Variants in CENPT observed in about 807,000 individuals in gnomAD.
CENPT encodes the protein interphase centromere complex protein 22.
A neutral mutation model predicts 59.7 loss-of-function variants in CENPT; 42 were observed. The observed-to-expected ratio is 0.70, with a 90% CI of 0.55 to 0.91. The LOEUF (loss-of-function observed/expected upper bound fraction) is 0.91. Ranked by LOEUF, CENPT falls within the 40% of genes least tolerant of loss-of-function variation. The pLI is 0.00. For synonymous variants in CENPT, 295 were observed against 289.6 expected, an observed-to-expected ratio of 1.02 and a Z score of -0.19; for missense variants, 716 against 713.4, an observed-to-expected ratio of 1.00 and a Z score of -0.04.
rs1337430526 is a variant in CENPT at position 67,829,778 on chromosome 16, G to C, written c.1173C>G (p.Ala391=). Residue 391 remains alanine, a synonymous_variant, in exon 12 of 16, where the codon GCC becomes GCG. Coordinates refer to ENST00000562787, the MANE Select transcript of CENPT (RefSeq NM_025082.4). ...TGGGCCTCTTACCTGCCCTGCCAGA[G>C]GCATCCTCATCCCCTGAAGATGCTC... The part of the protein sequence containing the change: ...GPGASSGDED[A]SGRAASPESA... 1 of 1,613,984 alleles carries C rather than the reference G, an allele frequency of 6.2e-7. No homozygotes were observed. The highest frequency in any genetic ancestry group is 1.1e-5 in the South Asian group (1 of 91,068).
Position 67,829,999 on chromosome 16 carries a change from A to C in CENPT, c.952T>G (p.Ser318Ala). The C allele has an allele frequency of 6.2e-7, 1 of 1,614,172 alleles. No individual in the cohort carries two copies. Among genetic ancestry groups the C allele is most frequent in the Non-Finnish European group, 8.5e-7 (1 of 1,180,030 alleles). The change falls in exon 12 of 16, where the codon TCT becomes GCT. Residue 318 changes from serine (S) to alanine (A), a missense_variant. Physicochemically the swap from Ser to Ala is moderately conservative, Grantham distance 99. Coordinates refer to ENST00000562787, the MANE Select transcript of CENPT (RefSeq NM_025082.4). ...LGFLSTSSGVSGEDEVEPLHD... is the reference protein window; with the variant it reads ...LGFLSTSSGVAGEDEVEPLHD... The stretch of plus-strand genomic sequence containing the variant: ...AAGGGCTCTACTTCATCTTCTCCAG[A>C]GACACCACTGCTGGTGCTCAGGAAG...
intron 10 of CENPT, 57 bp from the exon 11 acceptor site, chr16:67,830,605 T>C: frequency 1.9e-6 from 3 of 1,580,910 alleles, no homozygotes; most frequent in Middle Eastern, 1.7e-4. Context: ...AGGGGCCAGC[T>C]GGCTCTCAGC....
intron 1 of CENPT, among the ~76,000 whole-genome samples, chr16:67,844,910 T>A (rs1250661743): frequency 1.3e-5 from 2 of 151,980 alleles, no homozygotes; most frequent in African/African-American, 4.8e-5. Context: ...TGCCTCACCC[T>A]CCTGAGTAGC....
chr16:67,830,116 G>A (rs758912675), intron 11 of CENPT, 28 bp from the exon 12 acceptor site: 71 of 1,602,688 alleles, frequency 4.4e-5, no homozygotes, highest in Admixed American at 6.8e-5. Flanking sequence ...AATACAGGCC[G>A]GAGACGCAGC....
chr16:67,830,618 A>G (rs1454552827), intron 10 of CENPT, 70 bp from the exon 11 acceptor site: 1 of 1,523,776 alleles, frequency 6.6e-7, no homozygotes, highest in African/African-American at 1.4e-5. Context: ...CTCTCAGCGT[A>G]TTCCAGGCCC....
Position 67,843,182 on chromosome 16 carries a change from G to A in CENPT, c.-492+4219C>T. 1.2e-6 allele frequency: 2 copies of A among 1,611,296 alleles called. No individual in the cohort carries two copies. Among genetic ancestry groups the A allele is most frequent in the Non-Finnish European group, 1.7e-6 (2 of 1,179,686 alleles). On this transcript the variant is annotated intron_variant, in intron 1 of 15. Transcript: ENST00000562787. The surrounding 1 kb of genome is among the most constrained non-coding windows in gnomAD (Gnocchi z 5.7). ...CGCAGCCGCTGCGGCCGCCGCGTCGGAGTTACAGGCTGCTACCGCAGGGCT... is the reference window on the plus strand; with the variant it reads ...CGCAGCCGCTGCGGCCGCCGCGTCGAAGTTACAGGCTGCTACCGCAGGGCT...
intron 4 of CENPT, among the ~76,000 whole-genome samples, chr16:67,833,421 A>G (rs2057711963): frequency 6.6e-6 from 1 of 152,122 alleles, no homozygotes; most frequent in African/African-American, 2.4e-5. Context: ...CCTATCCTCC[A>G]TCTCCAGTGG....
Position 67,842,855 on chromosome 16 carries a change from C to A in CENPT, c.-492+4546G>T. On this transcript the variant is annotated intron_variant, in intron 1 of 15. Coordinates refer to ENST00000562787, the MANE Select transcript of CENPT (RefSeq NM_025082.4). This position sits in a 1 kb window ranked among gnomAD's most constrained non-coding sequence, Gnocchi z 4.9. ...CAGACCCGCTGGGGCCGCGGCCGCCCGCCGCAGGCAGCAGCAGCAACAGCA... is the reference window on the plus strand; with the variant it reads ...CAGACCCGCTGGGGCCGCGGCCGCCAGCCGCAGGCAGCAGCAGCAACAGCA... 1.2e-6 allele frequency: 2 copies of A among 1,611,072 alleles called. No individual in the cohort carries two copies. Among genetic ancestry groups the A allele is most frequent in the Non-Finnish European group, 1.7e-6 (2 of 1,179,490 alleles).
chr16:67,838,011 G>A (rs969679020), intron 1 of CENPT, among the ~76,000 whole-genome samples: 1 of 152,186 alleles, frequency 6.6e-6, no homozygotes, highest in Non-Finnish European at 1.5e-5. Context: ...AAGATTGAAG[G>A]CAGGGAGACA....
At position 67,842,537 on chromosome 16, in the gene CENPT, G is replaced by C. The variant is rs1268940803; in HGVS notation, c.-492+4864C>G. On this transcript the variant is annotated intron_variant, in intron 1 of 15. Transcript: ENST00000562787. This position sits in a 1 kb window ranked among gnomAD's most constrained non-coding sequence, Gnocchi z 4.9. ...GCGCAGGAGGCCGGTGGGCCGGGCCGGGCCGCGCGGCGCAGCCATGCCTGG... is the reference window on the plus strand; with the variant it reads ...GCGCAGGAGGCCGGTGGGCCGGGCCCGGCCGCGCGGCGCAGCCATGCCTGG... 4 of 1,492,724 alleles carry C rather than the reference G, an allele frequency of 2.7e-6. No homozygotes were observed. In the African/African-American group the frequency reaches 5.6e-5, roughly 21 times the overall value. 92.5% of individuals were successfully genotyped at this position (1,492,724 alleles called of 1,614,324 possible).
rs1162288162 is a variant in CENPT at position 67,832,314 on chromosome 16, G to C, written c.203C>G (p.Ser68Cys). 3 of 1,614,048 alleles carry C rather than the reference G, an allele frequency of 1.9e-6. No homozygotes were observed. The highest frequency in any genetic ancestry group is 3.3e-5 in the Admixed American group (2 of 59,992). ...CTGAATATGGGCCGATCTGCCAACA[G>C]ACTATCGGCAAAGCACCAAGCAACC... ...IARGRSHGAR[S>C]VGRSAHIQAS... is the part of the protein sequence containing the mutation. The change falls in exon 6 of 16, where the codon TCT becomes TGT. Residue 68 changes from serine (S) to cysteine (C), a missense_variant and splice_region_variant. Coordinates refer to ENST00000562787, the MANE Select transcript of CENPT (RefSeq NM_025082.4).
At chr16:67,836,764 G>A (rs2057736798) in intron 1 of CENPT, among the ~76,000 whole-genome samples, 1 of 151,758 alleles carries the variant, frequency 6.6e-6, no homozygotes, top group African/African-American at 2.4e-5. Context: ...GTAAAGATGG[G>A]GTTTCTCCAT....
intron 1 of CENPT, among the ~76,000 whole-genome samples, chr16:67,845,526 A>G (rs1157902483): frequency 6.6e-6 from 1 of 152,244 alleles, no homozygotes; most frequent in Non-Finnish European, 1.5e-5. Context: ...CTATTGGGCC[A>G]GTCTCACATC....
chr16:67,847,177 C>T (rs1209668557), intron 1 of CENPT: 1 of 151,702 alleles, frequency 6.6e-6, no homozygotes, highest in Non-Finnish European at 1.5e-5. Flanking sequence ...GAGGCGGCGG[C>T]CGGGGGTAAC....
intron 10 of CENPT, 131 bp from the exon 11 acceptor site, chr16:67,830,679 C>A: frequency 2.3e-6 from 2 of 886,634 alleles, no homozygotes; most frequent in Non-Finnish European, 3.5e-6. Context: ...CTGCATGGGT[C>A]CACCCTGAGT....
intron 1 of CENPT, among the ~76,000 whole-genome samples, chr16:67,839,746 C>A (rs2057751023): frequency 1.3e-5 from 2 of 151,584 alleles, no homozygotes; most frequent in Admixed American, 6.6e-5. Flanking sequence ...TGGTGCCTGG[C>A]GCCTGTAATC....
intron 4 of CENPT, among the ~76,000 whole-genome samples, chr16:67,833,049 A>C (rs1377063546): frequency 6.6e-6 from 1 of 152,174 alleles, no homozygotes; most frequent in Non-Finnish European, 1.5e-5. Flanking sequence ...TAAAACCTAT[A>C]ATGAATGGCT....
chr16:67,838,658 TGGCTCAC>T (rs2057745320), intron 1 of CENPT, among the ~76,000 whole-genome samples: 1 of 149,778 alleles, frequency 6.7e-6, no homozygotes, highest in Non-Finnish European at 1.5e-5. Flanking sequence ...CCAGGCGCGG[TGGCTCAC>T]ACCTGTAATT....
Position 67,832,048 on chromosome 16 carries a change from G to A in CENPT, c.350C>T (p.Ala117Val), listed in dbSNP as rs756645512. The A allele has an allele frequency of 1.1e-5, 18 of 1,610,380 alleles. No individual in the cohort carries two copies. The highest frequency in any genetic ancestry group is 1.6e-4 in the Middle Eastern group (1 of 6,078). Reference protein sequence around the residue: ...SVVKPVPAPQAVQPSRQESSC... With the variant: ...SVVKPVPAPQVVQPSRQESSC... Reference sequence around the variant, plus strand: ...GCTCTCTTGTCTGGAGGGTTGGACCGCCTGCGGTGCTGGCACTGGCTTCAC... The same window carrying A: ...GCTCTCTTGTCTGGAGGGTTGGACCACCTGCGGTGCTGGCACTGGCTTCAC... The change falls in exon 7 of 16, where the codon GCG becomes GTG. Residue 117 changes from alanine (A) to valine (V), a missense_variant. Physicochemically the swap from Ala to Val is moderately conservative, Grantham distance 64 (BLOSUM62 0). Coordinates refer to ENST00000562787, the MANE Select transcript of CENPT (RefSeq NM_025082.4).
Sources: allele counts gnomAD v4.1 joint callset (sites outside exome capture counted in the v4.1 genomes callset), GRCh38; gene constraint gnomAD v4.1.1; non-coding constraint Gnocchi (gnomAD v3.1); transcripts MANE v1.5; gene names NCBI Gene and HGNC (gene_info 2026-07-23, HGNC 2026-07-21).